The following PHEX variants were observed in gnomAD, a reference collection of about 807,000 sequenced individuals.
The protein encoded by PHEX is phosphate-regulating neutral endopeptidase PHEX.
PHEX carries 16 observed loss-of-function variants against 68.0 expected under a neutral mutation model. The ratio of observed to expected loss-of-function variants is 0.24; its 90% CI spans 0.16 to 0.36. The LOEUF (loss-of-function observed/expected upper bound fraction) is 0.36, where lower values mean the gene tolerates loss of function less well. Among genes scored for constraint, PHEX ranks in the 10% least tolerant of loss-of-function variants. The pLI, the probability that PHEX is intolerant of heterozygous loss-of-function variation, is 1.00. For synonymous variants in PHEX, 208 were observed against 205.1 expected (o/e 1.01, Z -0.12); for missense variants, 480 against 575.5 (o/e 0.83, Z 1.70).
Position 22,248,847 on chromosome X carries a change from T to C in PHEX, c.*894T>C, listed in dbSNP as rs921727467. 1.8e-5 allele frequency: 2 copies of C among 111,371 alleles called. No homozygotes were observed. The highest frequency in any genetic ancestry group is 6.5e-5 in the African/African-American group (2 of 30,587). The allele number at this position is 111,371 out of a possible 1,213,427, so 9.2% of individuals were successfully genotyped here. On this transcript the variant is annotated 3_prime_UTR_variant, in exon 22 of 22. Coordinates refer to ENST00000379374, the MANE Select transcript of PHEX (RefSeq NM_000444.6). Reference sequence around the variant, plus strand: ...GTTCGTTTCATTACCTTCATATGTGTGCATTGTACTGGTTTTGAAATGAGC... The same window carrying C: ...GTTCGTTTCATTACCTTCATATGTGCGCATTGTACTGGTTTTGAAATGAGC...
intron 12 of PHEX, among the ~76,000 whole-genome samples, chrX:22,161,060 C>T (rs745449245): frequency 1.3e-3 from 146 of 110,341 alleles, no homozygotes; most frequent in African/African-American, 4.4e-3. Flanking sequence ...TGCTTGAACC[C>T]GAGAGGTGGA....
At chrX:22,119,907 A>C (rs1931415085) in intron 11 of PHEX, among the ~76,000 whole-genome samples, 1 of 110,405 alleles carries the variant, frequency 9.1e-6, no homozygotes, top group Non-Finnish European at 1.9e-5. Context: ...TTGTTTGATT[A>C]TTATTATTAT....
intron 11 of PHEX, among the ~76,000 whole-genome samples, chrX:22,117,350 A>G (rs185864238): frequency 8.9e-6 from 1 of 111,946 alleles, no homozygotes; most frequent in African/African-American, 3.2e-5. Context: ...AAATTGACCT[A>G]TGTTAACTTG....
intron 12 of PHEX, among the ~76,000 whole-genome samples, chrX:22,155,429 A>G (rs1477154036): frequency 8.9e-6 from 1 of 112,576 alleles, no homozygotes. Context: ...TCCTGTTTAA[A>G]TAAGTAATTT....
At chrX:22,181,303 G>C (rs1025404121) in intron 14 of PHEX, among the ~76,000 whole-genome samples, 7 of 111,768 alleles carry the variant, frequency 6.3e-5, no homozygotes, top group Non-Finnish European at 1.3e-4. Flanking sequence ...ATTTTAACTG[G>C]GGTAAGATGA....
chrX:22,104,130 C>T (rs1930557558), intron 9 of PHEX, among the ~76,000 whole-genome samples: 1 of 111,688 alleles, frequency 9.0e-6, no homozygotes, highest in South Asian at 3.8e-4. Context: ...GTCTTTTGCC[C>T]ACTTTTTGAT....
At chrX:22,222,793 T>C (rs1400154103) in intron 18 of PHEX, among the ~76,000 whole-genome samples, 3 of 111,764 alleles carry the variant, frequency 2.7e-5, no homozygotes, top group Admixed American at 9.5e-5. Context: ...CTGAGAGGTA[T>C]AGATTATTAC....
chrX:22,065,309 T>C (rs1482741242), intron 3 of PHEX, among the ~76,000 whole-genome samples: 1 of 112,719 alleles, frequency 8.9e-6, no homozygotes. Context: ...TAAGTTTACC[T>C]ATGTCACTAG....
chrX:22,111,668 G>A (rs1930976303), intron 10 of PHEX, 108 bp downstream of exon 10: 5 of 611,486 alleles, frequency 8.2e-6, no homozygotes, highest in African/African-American at 2.2e-5. Flanking sequence ...TTAGACAGGG[G>A]GAGTTTGTAG....
chrX:22,139,094 A>G, intron 12 of PHEX, among the ~76,000 whole-genome samples: 1 of 112,241 alleles, frequency 8.9e-6, no homozygotes, highest in Non-Finnish European at 1.9e-5. Context: ...CCCTTTGGAA[A>G]TTACTTAACT....
intron 3 of PHEX, among the ~76,000 whole-genome samples, chrX:22,049,008 C>T (rs967922352): frequency 3.6e-5 from 4 of 112,304 alleles, no homozygotes; most frequent in African/African-American, 1.3e-4. Flanking sequence ...ACATACTACT[C>T]TAACTTAATT....
intron 15 of PHEX, among the ~76,000 whole-genome samples, chrX:22,194,102 G>A (rs1934289331): frequency 8.9e-6 from 1 of 111,886 alleles, no homozygotes; most frequent in Non-Finnish European, 1.9e-5. Flanking sequence ...GCCTGGGAAG[G>A]GCTAATCCTA....
chrX:22,197,121 G>T (rs897715676), intron 15 of PHEX, among the ~76,000 whole-genome samples: 1 of 111,981 alleles, frequency 8.9e-6, no homozygotes, highest in East Asian at 2.8e-4. Flanking sequence ...TTTGGGAATA[G>T]TCTTCCATTG....
intron 9 of PHEX, among the ~76,000 whole-genome samples, chrX:22,107,141 T>C (rs927843936): frequency 4.5e-5 from 5 of 111,854 alleles, no homozygotes; most frequent in Non-Finnish European, 5.6e-5. Flanking sequence ...TAATAACATC[T>C]CTCTTACAGC....
At chrX:22,043,734 C>T (rs927706465) in intron 2 of PHEX, among the ~76,000 whole-genome samples, 3 of 111,774 alleles carry the variant, frequency 2.7e-5, no homozygotes, top group Non-Finnish European at 5.6e-5. Context: ...GGGAGGATGC[C>T]TCCACCTCTA....
intron 14 of PHEX, among the ~76,000 whole-genome samples, chrX:22,182,613 TG>T (rs1285433744): frequency 2.4e-4 from 27 of 111,185 alleles, no homozygotes; most frequent in African/African-American, 7.9e-4. Context: ...TGTGTGTGTG[TG>T]TGTGTGTGGC....
chrX:22,035,920 A>T (rs1926982925), intron 1 of PHEX, among the ~76,000 whole-genome samples: 2 of 105,123 alleles, frequency 1.9e-5, no homozygotes, highest in African/African-American at 6.9e-5. Flanking sequence ...TATTTGGAGA[A>T]TTTTAAAATA....
chrX:22,120,467 T>C (rs976578363), intron 11 of PHEX, among the ~76,000 whole-genome samples: 1 of 112,115 alleles, frequency 8.9e-6, no homozygotes, highest in Non-Finnish European at 1.9e-5. Flanking sequence ...ATACATTTCA[T>C]ATTTTTTAAC....
At chrX:22,114,113 C>G (rs1358048091) in intron 10 of PHEX, among the ~76,000 whole-genome samples, 1 of 108,520 alleles carries the variant, frequency 9.2e-6, no homozygotes, top group Admixed American at 1.0e-4. Flanking sequence ...CCGTGCCCGG[C>G]TAATTTTTGT....
Sources: gnomAD v4.1 joint callset for allele counts (sites outside exome capture counted in the v4.1 genomes callset) on GRCh38, gnomAD v4.1.1 for gene constraint, MANE v1.5 for transcripts, NCBI Gene and HGNC (gene_info 2026-07-23, HGNC 2026-07-21) for gene names.